The following KAT6B variants were observed in gnomAD, a reference collection of about 807,000 sequenced individuals.
The protein encoded by KAT6B is lysine acetyltransferase 6B.
KAT6B carries 10 observed loss-of-function variants against 187.5 expected under a neutral mutation model. The ratio of observed to expected loss-of-function variants is 0.05; its 90% confidence interval spans 0.03 to 0.09. The LOEUF (loss-of-function observed/expected upper bound fraction) is 0.09, where lower values mean the gene tolerates loss of function less well. Ranked by LOEUF, KAT6B falls within the 10% of genes least tolerant of loss-of-function variation. The probability of loss-of-function intolerance (pLI) is 1.00; values close to 1 mark genes in which losing one functional copy is unlikely to be tolerated. For missense variants in KAT6B, 1,952 were observed against 2,558.9 expected (o/e 0.76, Z 5.12); for synonymous variants, 861 against 926.8 (o/e 0.93, Z 1.29).
At chr10:74,971,446 A>G (rs773104411) in intron 6 of KAT6B, among the ~76,000 whole-genome samples, 10 of 152,158 alleles carry the variant, frequency 6.6e-5, no homozygotes, top group Non-Finnish European at 1.0e-4. Flanking sequence ...TGCATCATAC[A>G]GTATCTTAGA....
At position 75,030,906 on chromosome 10, in the gene KAT6B, A is replaced by G. The variant is rs745605405; in HGVS notation, c.6082A>G (p.Met2028Val). The stretch of plus-strand genomic sequence containing the variant: ...CCCTATGCAGATGCAGATGGGCATG[A>G]TGGGCACCCAGCCATATGCCCAGCA... ...QYPMQMQMGMMGTQPYAQQPM... is the reference protein window; with the variant it reads ...QYPMQMQMGMVGTQPYAQQPM... The change falls in exon 18 of 18, where the codon ATG becomes GTG. Residue 2028 changes from methionine (M) to valine (V), a missense_variant. By Grantham distance (21) the Met-to-Val change is conservative. Coordinates refer to ENST00000287239, the MANE Select transcript of KAT6B (RefSeq NM_012330.4). The surrounding 1 kb of genome is among the most constrained non-coding windows in gnomAD (Gnocchi z 4.8). The G allele has an allele frequency of 4.3e-6, 7 of 1,613,826 alleles. No individual in the cohort carries two copies. Among genetic ancestry groups the G allele is most frequent in the Non-Finnish European group, 5.9e-6 (7 of 1,180,010 alleles).
At chr10:74,932,051 A>G (rs969709867) in intron 3 of KAT6B, among the ~76,000 whole-genome samples, 11 of 152,134 alleles carry the variant, frequency 7.2e-5, no homozygotes, top group African/African-American at 2.2e-4. Flanking sequence ...TTCTCTCCCC[A>G]TGTGATTTGT....
chr10:74,834,038 T>C (rs1335102623), intron 1 of KAT6B, among the ~76,000 whole-genome samples: 3 of 152,204 alleles, frequency 2.0e-5, no homozygotes, highest in Admixed American at 6.5e-5. Flanking sequence ...CCAGAGTAGA[T>C]GGCTACTATT....
intron 3 of KAT6B, among the ~76,000 whole-genome samples, chr10:74,897,384 C>A (rs561661603): frequency 1.8e-4 from 28 of 152,316 alleles, no homozygotes; most frequent in African/African-American, 6.0e-4. Flanking sequence ...CCTAGAGTAC[C>A]TGTTTTCTGC....
intron 1 of KAT6B, among the ~76,000 whole-genome samples, chr10:74,831,712 G>A (rs1346605857): frequency 6.6e-6 from 1 of 152,168 alleles, no homozygotes; most frequent in Non-Finnish European, 1.5e-5. Context: ...GCATTTTATT[G>A]TGTTCCTGCT....
intron 3 of KAT6B, among the ~76,000 whole-genome samples, chr10:74,847,677 A>T (rs1842204558): frequency 6.6e-6 from 1 of 152,010 alleles, no homozygotes. Flanking sequence ...AAAAAAAAAT[A>T]AATAAATAAA....
intron 13 of KAT6B, among the ~76,000 whole-genome samples, chr10:75,009,861 C>T (rs1454194024): frequency 6.6e-6 from 1 of 152,102 alleles, no homozygotes; most frequent in African/African-American, 2.4e-5. Flanking sequence ...ATTACCCAGG[C>T]GTGGTGGTGC....
chr10:74,940,535 G>C (rs917486997), intron 3 of KAT6B, among the ~76,000 whole-genome samples: 4 of 150,616 alleles, frequency 2.7e-5, no homozygotes, highest in Non-Finnish European at 4.4e-5. Flanking sequence ...CAGCCTCCCA[G>C]AGTGTTGGGA....
intron 1 of KAT6B, among the ~76,000 whole-genome samples, chr10:74,833,296 A>G (rs985621495): frequency 6.6e-6 from 1 of 152,156 alleles, no homozygotes; most frequent in Non-Finnish European, 1.5e-5. Flanking sequence ...AATTTAGTTG[A>G]TTATTTCTTA....
intron 14 of KAT6B, 93 bp downstream of exon 14, chr10:75,020,906 T>A: frequency 1.8e-6 from 2 of 1,110,162 alleles, no homozygotes; most frequent in Non-Finnish European, 2.7e-6. Flanking sequence ...AGTTAAAGAC[T>A]GAGGTTCCCT....
intron 1 of KAT6B, among the ~76,000 whole-genome samples, chr10:74,834,458 A>G (rs540892305): frequency 1.4e-4 from 21 of 152,244 alleles, no homozygotes; most frequent in African/African-American, 4.8e-4. Flanking sequence ...GGCCTCCCAA[A>G]GTGCTAGGAT....
chr10:74,825,777 G>T (rs909907804), upstream of KAT6B: 1 of 152,358 alleles, frequency 6.6e-6, no homozygotes, highest in Admixed American at 6.5e-5. This position sits in a 1 kb window ranked among gnomAD's most constrained non-coding sequence, Gnocchi z 5.0. Flanking sequence ...GTGGGTAGGG[G>T]CTTGCTCCCC....
chr10:74,825,547 G>A (rs1840125030), upstream of KAT6B: 1 of 158,938 alleles, frequency 6.3e-6, no homozygotes, highest in South Asian at 1.7e-4. The surrounding 1 kb of genome is among the most constrained non-coding windows in gnomAD (Gnocchi z 5.0). Context: ...TGGGTCCCGG[G>A]CGGGGGGAGC....
intron 4 of KAT6B, among the ~76,000 whole-genome samples, chr10:74,961,545 A>G (rs1841095218): frequency 6.6e-6 from 1 of 152,194 alleles, no homozygotes; most frequent in Non-Finnish European, 1.5e-5. Context: ...TGATACACTT[A>G]CTTGAGTTGA....
chr10:74,900,102 A>T (rs1846272916), intron 3 of KAT6B, among the ~76,000 whole-genome samples: 1 of 151,912 alleles, frequency 6.6e-6, no homozygotes, highest in East Asian at 2.0e-4. Flanking sequence ...TTTATTACTA[A>T]CATACCTAAA....
rs1589850029 is a variant in KAT6B, at chr10:75,031,418, T to A, written c.*372T>A. On this transcript the variant is annotated 3_prime_UTR_variant, in exon 18 of 18. Transcript: ENST00000287239. ...TAATATTGAACCTAGAGCTTTTTTT[T>A]TCCCTTCCCTGTCCACTCCATGTAA... 1 of 370,982 alleles carries A rather than the reference T, an allele frequency of 2.7e-6. No individual in the cohort carries two copies. The highest frequency in any genetic ancestry group is 3.4e-5 in the South Asian group (1 of 29,190). 23.0% of individuals were successfully genotyped at this position (370,982 alleles called of 1,614,324 possible).
chr10:74,909,458 TC>T (rs1436950884), intron 3 of KAT6B, among the ~76,000 whole-genome samples: 2 of 152,238 alleles, frequency 1.3e-5, no homozygotes, highest in African/African-American at 4.8e-5. Context: ...GAAAAATTGT[TC>T]CCTGTCCAGC....
chr10:74,852,587 GAT>G (rs1842543825), intron 3 of KAT6B, among the ~76,000 whole-genome samples: 1 of 152,196 alleles, frequency 6.6e-6, no homozygotes, highest in Non-Finnish European at 1.5e-5. Flanking sequence ...TCAAGGGAAA[GAT>G]AAAATGAAGG....
At chr10:74,972,731 G>A in intron 7 of KAT6B, 92 bp downstream of exon 7, 2 of 1,245,384 alleles carry the variant, frequency 1.6e-6, no homozygotes, top group Admixed American at 1.9e-5. Flanking sequence ...GGGGTTTTTT[G>A]GCATCATTTT....
Sources: gnomAD v4.1 joint callset for allele counts (sites outside exome capture counted in the v4.1 genomes callset) on GRCh38, gnomAD v4.1.1 for gene constraint, Gnocchi (gnomAD v3.1) non-coding constraint, MANE v1.5 for transcripts, NCBI Gene and HGNC (gene_info 2026-07-23, HGNC 2026-07-21) for gene names.